Variants in MTMR8 observed in about 807,000 individuals in gnomAD.
MTMR8 encodes phosphatidylinositol-3,5-bisphosphate 3-phosphatase MTMR8.
MTMR8 carries 65 observed loss-of-function variants against 39.3 expected under a neutral mutation model. The observed-to-expected ratio is 1.65, with a 90% CI of 1.35 to 2.03. The LOEUF (loss-of-function observed/expected upper bound fraction) is 2.03, where lower values mean the gene tolerates loss of function less well. Among genes scored for constraint, MTMR8 ranks in the 30% most tolerant of loss-of-function variants. MTMR8 has a pLI of 0.00. For synonymous variants in MTMR8, 245 were observed against 185.2 expected (o/e 1.32, Z -2.62); for missense variants, 777 against 538.9 (o/e 1.44, Z -4.37).
At chrX:64,343,780 G>A in intron 7 of MTMR8, 60 bp from the exon 8 acceptor site, 1 of 787,525 alleles carries the variant, frequency 1.3e-6, no homozygotes, top group Non-Finnish European at 1.9e-6. Context: ...ATTCATTAAG[G>A]GGAGAAAGTG....
intron 12 of MTMR8, chrX:64,305,284 A>T (rs888230695): frequency 5.8e-6 from 1 of 172,780 alleles, no homozygotes; most frequent in African/African-American, 3.1e-5. Context: ...ATTTTTAGCC[A>T]TTTTTAATAT....
intron 7 of MTMR8, 42 bp from the exon 8 acceptor site, chrX:64,343,762 C>T (rs748939801): frequency 2.1e-6 from 2 of 951,457 alleles, no homozygotes; most frequent in South Asian, 2.1e-5. Context: ...TCACAATCAA[C>T]TCAGTTTATT....
intron 12 of MTMR8, among the ~76,000 whole-genome samples, chrX:64,275,090 G>T (rs1371021435): frequency 1.8e-5 from 2 of 111,512 alleles, no homozygotes; most frequent in Non-Finnish European, 3.8e-5. Flanking sequence ...TAAATGAGGT[G>T]ATGGATATGT....
At position 64,317,279 on chromosome X, in the gene MTMR8, G is replaced by A. The variant is rs767504953; in HGVS notation, c.1481+11493C>T. On this transcript the variant is annotated intron_variant, in intron 12 of 13. Coordinates refer to ENST00000374852, the MANE Select transcript of MTMR8 (RefSeq NM_017677.4). ...ATATTATCAGCCATTATTTATTTGA[G>A]TGCTTTTTGAGGTTTTCCATCTTTC... Among the ~76,000 whole-genome samples, 5 of 111,157 alleles carry A rather than the reference G, an allele frequency of 4.5e-5. No individual in the cohort carries two copies. In the Admixed American group the frequency reaches 4.8e-4, roughly 11 times the overall value.
intron 12 of MTMR8, among the ~76,000 whole-genome samples, chrX:64,301,844 C>T (rs1294326165): frequency 8.9e-6 from 1 of 111,739 alleles, no homozygotes; most frequent in African/African-American, 3.3e-5. Flanking sequence ...GTCAGTGTGC[C>T]CCTGCTGGGT....
chrX:64,320,750 A>C (rs898123480), intron 12 of MTMR8, among the ~76,000 whole-genome samples: 1 of 111,309 alleles, frequency 9.0e-6, no homozygotes. Flanking sequence ...GGTCAGACCT[A>C]TTCTCAGAAA....
At chrX:64,308,086 G>A (rs968476041) in intron 12 of MTMR8, among the ~76,000 whole-genome samples, 4 of 111,179 alleles carry the variant, frequency 3.6e-5, no homozygotes, top group Non-Finnish European at 7.5e-5. Context: ...CACCAACATG[G>A]CACATGTATA....
intron 10 of MTMR8, among the ~76,000 whole-genome samples, chrX:64,332,209 A>C (rs1434009264): frequency 8.9e-6 from 1 of 112,341 alleles, no homozygotes; most frequent in African/African-American, 3.2e-5. Context: ...TTTACTGCAT[A>C]GTGCCTGGCA....
chrX:64,333,080 C>G (rs1432022365), intron 10 of MTMR8, among the ~76,000 whole-genome samples: 1 of 111,678 alleles, frequency 9.0e-6, no homozygotes, highest in Non-Finnish European at 1.9e-5. Flanking sequence ...CTAAATCCAA[C>G]CACAGATCAG....
At chrX:64,336,198 A>C in intron 9 of MTMR8, 70 bp from the exon 10 acceptor site, 1 of 745,111 alleles carries the variant, frequency 1.3e-6, no homozygotes, top group Non-Finnish European at 2.0e-6. Flanking sequence ...ACACACAAGA[A>C]TGTCAAAACA....
chrX:64,332,338 A>G (rs1159394311), intron 10 of MTMR8, among the ~76,000 whole-genome samples: 3 of 111,493 alleles, frequency 2.7e-5, no homozygotes, highest in Non-Finnish European at 5.7e-5. Context: ...CTGAAACACT[A>G]TTCCACTGGA....
At chrX:64,301,016 C>T (rs1921847767) in intron 12 of MTMR8, among the ~76,000 whole-genome samples, 1 of 105,193 alleles carries the variant, frequency 9.5e-6, no homozygotes, top group Non-Finnish European at 2.0e-5. Flanking sequence ...AACATTTTTT[C>T]CTTCATTTCA....
At chrX:64,269,518 C>A (rs867456005) in intron 13 of MTMR8, among the ~76,000 whole-genome samples, 2 of 111,285 alleles carry the variant, frequency 1.8e-5, no homozygotes, top group African/African-American at 3.3e-5. Context: ...CCTGCATCTG[C>A]CTGATGCCAA....
rs1931928205 is a variant in MTMR8, at chrX:64,278,459, G to GTTTTTTTTTTTTTTTTT, written c.1482-7387_1482-7386insAAAAAAAAAAAAAAAAA. ...TGATGTTGATGCTATTTATTTTGCT[G>GTTTTTTTTTTTTTTTTT]GTTTTTTTTTTTTTTTTTTTTTTTT... On this transcript the variant is annotated intron_variant, in intron 12 of 13. Coordinates refer to ENST00000374852, the MANE Select transcript of MTMR8 (RefSeq NM_017677.4). Among the ~76,000 whole-genome samples, 12 of 49,855 alleles carry GTTTTTTTTTTTTTTTTT rather than the reference G, an allele frequency of 2.4e-4. 6 individuals carry two copies. Among genetic ancestry groups the GTTTTTTTTTTTTTTTTT allele is most frequent in the African/African-American group, 1.4e-3 (12 of 8,740 alleles). The allele number at this position is 49,855 out of a possible 115,157, so 43.3% of individuals were successfully genotyped here.
intron 12 of MTMR8, among the ~76,000 whole-genome samples, chrX:64,323,855 T>G (rs1569220544): frequency 1.8e-5 from 2 of 112,211 alleles, no homozygotes; most frequent in African/African-American, 6.5e-5. Flanking sequence ...TCTAAAAATT[T>G]CTTGAGAGAA....
chrX:64,375,864 G>A (rs1356254788), intron 1 of MTMR8, among the ~76,000 whole-genome samples: 1 of 112,043 alleles, frequency 8.9e-6, no homozygotes, highest in Non-Finnish European at 1.9e-5. Context: ...GTAATCCTCA[G>A]TGGTGGAGGA....
At chrX:64,356,495 C>T (rs1391330793) in intron 2 of MTMR8, among the ~76,000 whole-genome samples, 157 bp from the exon 3 acceptor site, 2 of 111,098 alleles carry the variant, frequency 1.8e-5, no homozygotes, top group Non-Finnish European at 3.8e-5. Context: ...CTGGGGTTCT[C>T]TCAAATAGAA....
chrX:64,360,388 ACC>A, intron 1 of MTMR8: 1 of 279,683 alleles, frequency 3.6e-6, no homozygotes, highest in Admixed American at 4.1e-5. Flanking sequence ...GGTCAAGCAG[ACC>A]AAAAAAAAAA....
At chrX:64,283,827 T>A (rs751463380) in intron 12 of MTMR8, among the ~76,000 whole-genome samples, 30 of 111,706 alleles carry the variant, frequency 2.7e-4, no homozygotes, top group Non-Finnish European at 4.9e-4. Context: ...CATCTGTATG[T>A]CTCCATCATC....
Sources: gnomAD v4.1 joint callset for allele counts (sites outside exome capture counted in the v4.1 genomes callset) on GRCh38, gnomAD v4.1.1 for gene constraint, MANE v1.5 for transcripts, NCBI Gene and HGNC (gene_info 2026-07-23, HGNC 2026-07-21) for gene names.